Variants in AKAP11 observed in about 807,000 individuals in gnomAD.
The protein encoded by AKAP11 is A-kinase anchoring protein 11.
A neutral mutation model predicts 146.1 loss-of-function variants in AKAP11; 36 were observed. The ratio of observed to expected loss-of-function variants is 0.25; its 90% CI spans 0.19 to 0.33. AKAP11 has a LOEUF of 0.33. Among genes scored for constraint, AKAP11 ranks in the 10% least tolerant of loss-of-function variants. AKAP11 has a pLI of 1.00. For synonymous variants in AKAP11, 780 were observed against 786.5 expected, an observed-to-expected ratio of 0.99 and a Z score of 0.14; for missense variants, 2,201 against 2,197.0, an observed-to-expected ratio of 1.00 and a Z score of -0.04.
In AKAP11 at chr13:42,302,032, G is replaced by A. The variant is rs199642682; in HGVS notation, c.3286G>A (p.Val1096Ile). The change falls in exon 8 of 13, where the codon GTA becomes ATA. Residue 1096 changes from valine to isoleucine, a missense_variant. Val to Ile is a conservative substitution (Grantham distance 29). Around this residue, in one of 3 missense-constraint regions of AKAP11, gnomAD observed 1,867 missense variants for 1,833.5 expected, o/e 1.02. Coordinates refer to ENST00000025301, the MANE Select transcript of AKAP11 (RefSeq NM_016248.4). ...EDKQKVRDRN[V>I]IPDTPPSTPL... Reference sequence around the variant, plus strand: ...TAAACAGAAAGTCAGAGACAGAAATGTAATACCTGATACTCCTCCATCAAC... The same window carrying A: ...TAAACAGAAAGTCAGAGACAGAAATATAATACCTGATACTCCTCCATCAAC... 1.7e-5 allele frequency: 27 copies of A among 1,614,128 alleles called. No individual in the cohort carries two copies. The highest frequency in any genetic ancestry group is 2.3e-5 in the Non-Finnish European group (27 of 1,179,998).
intron 8 of AKAP11, among the ~76,000 whole-genome samples, chr13:42,304,107 A>G (rs367834184): frequency 5.9e-5 from 9 of 152,324 alleles, no homozygotes; most frequent in African/African-American, 1.4e-4. Flanking sequence ...GTTGGAGAAA[A>G]TAATCACCTT....
chr13:42,276,911 A>G (rs1958935299), intron 1 of AKAP11, among the ~76,000 whole-genome samples: 1 of 152,216 alleles, frequency 6.6e-6, no homozygotes, highest in Non-Finnish European at 1.5e-5. Flanking sequence ...GATAAAAAGA[A>G]ATGTGTTCCT....
chr13:42,303,851 A>C lies in AKAP11; in HGVS notation c.5105A>C (p.His1702Pro). Reference sequence around the variant, plus strand: ...ACAGCAGCTGTCACAAATGTTGGGCATGCTGTTAGCAGGTAAGTTTCACGT... The same window carrying C: ...ACAGCAGCTGTCACAAATGTTGGGCCTGCTGTTAGCAGGTAAGTTTCACGT... Reference protein sequence around the residue: ...TMTAAVTNVGHAVSSSKEIED... With the variant: ...TMTAAVTNVGPAVSSSKEIED... The change falls in exon 8 of 13, where the codon CAT (histidine) becomes CCT (proline). Residue 1702 changes from histidine (H) to proline (P), a missense_variant. Around this residue, in one of 3 missense-constraint regions of AKAP11, gnomAD observed 1,867 missense variants for 1,833.5 expected, o/e 1.02. Transcript: ENST00000025301. 1.3e-6 allele frequency: 2 copies of C among 1,579,874 alleles called. No individual in the cohort carries two copies.
rs779284258 is a variant in AKAP11 at position 42,302,052 on chromosome 13, A to G, written c.3306A>G (p.Pro1102=). The change falls in exon 8 of 13, where the codon CCA becomes CCG. Residue 1102 remains proline (P), a synonymous_variant. Coordinates refer to ENST00000025301, the MANE Select transcript of AKAP11 (RefSeq NM_016248.4). The part of the protein sequence containing the change: ...RDRNVIPDTP[P]STPLVPSRAS... ...GAAATGTAATACCTGATACTCCTCCATCAACTCCTCTAGTACCATCCCGGG... is the reference window on the plus strand; with the variant it reads ...GAAATGTAATACCTGATACTCCTCCGTCAACTCCTCTAGTACCATCCCGGG... The G allele has an allele frequency of 3.1e-6, 5 of 1,614,046 alleles. No individual in the cohort carries two copies. The highest frequency in any genetic ancestry group is 1.1e-5 in the South Asian group (1 of 91,090).
intron 9 of AKAP11, among the ~76,000 whole-genome samples, chr13:42,312,330 T>G (rs542756015): frequency 6.6e-6 from 1 of 152,342 alleles, no homozygotes; most frequent in East Asian, 1.9e-4. Flanking sequence ...TTCAGTTGAT[T>G]AGGTAGTGTA....
intron 6 of AKAP11, among the ~76,000 whole-genome samples, chr13:42,298,014 G>A (rs1228891741): frequency 6.6e-6 from 1 of 151,934 alleles, no homozygotes; most frequent in African/African-American, 2.4e-5. Flanking sequence ...CTGGTTACTT[G>A]TATTTTTAAA....
chr13:42,289,638 C>A (rs774749160), intron 3 of AKAP11, among the ~76,000 whole-genome samples: 12 of 152,052 alleles, frequency 7.9e-5, no homozygotes, highest in Non-Finnish European at 1.8e-4. Flanking sequence ...CTTTACCTTC[C>A]TCAGACCTGA....
chr13:42,322,159 A>C lies in AKAP11; in HGVS notation c.*2931A>C, dbSNP rs1961112976. The C allele has an allele frequency of 6.6e-6, 1 of 152,308 alleles. No homozygotes were observed. Among genetic ancestry groups the C allele is most frequent in the South Asian group, 2.1e-4 (1 of 4,836 alleles). 9.4% of individuals were successfully genotyped at this position (152,308 alleles called of 1,614,324 possible). ...AAACCTTTAAGAGGATTCATGGTGA[A>C]TATATGTGATAACATCTTTATACTT... On this transcript the variant is annotated 3_prime_UTR_variant, in exon 13 of 13. Coordinates refer to ENST00000025301, the MANE Select transcript of AKAP11 (RefSeq NM_016248.4).
intron 12 of AKAP11, among the ~76,000 whole-genome samples, chr13:42,318,518 G>A (rs1336775904): frequency 1.3e-5 from 2 of 152,148 alleles, no homozygotes; most frequent in African/African-American, 2.4e-5. Context: ...ATGAACAAAA[G>A]CATGTCGTGA....
At chr13:42,290,281 C>T (rs1189380250) in intron 3 of AKAP11, among the ~76,000 whole-genome samples, 1 of 152,118 alleles carries the variant, frequency 6.6e-6, no homozygotes, top group East Asian at 1.9e-4. Flanking sequence ...TAATTAGATT[C>T]AACACAACAC....
In AKAP11 at chr13:42,297,088, A is replaced by T; in HGVS notation, c.257A>T (p.Asn86Ile). Residue 86 changes from asparagine to isoleucine, a missense_variant, in exon 6 of 13, where the codon AAT becomes ATT. Physicochemically the swap from Asn to Ile is moderately radical, Grantham distance 149. This residue lies in a region of AKAP11 where 331 missense variants were observed against 347.4 expected (regional missense o/e 0.95). Transcript: ENST00000025301. ...TCTTTGGAACTTCCAGATATTCTGA[A>T]TTCACTCCACTTCTGCAGTCTAAAT... ...AVSLELPDILNSLHFCSLNEN... is the reference protein window; with the variant it reads ...AVSLELPDILISLHFCSLNEN... 6.3e-7 allele frequency: 1 copy of T among 1,590,854 alleles called. No homozygotes were observed. The highest frequency in any genetic ancestry group is 8.5e-7 in the Non-Finnish European group (1 of 1,170,740).
Position 42,292,405 on chromosome 13 carries a change from C to T in AKAP11, c.72C>T (p.Phe24=). The T allele has an allele frequency of 6.3e-7, 1 of 1,577,950 alleles. No homozygotes were observed. The highest frequency in any genetic ancestry group is 1.2e-5 in the South Asian group (1 of 85,152). ...SVRKSFSEDV[F]QSVKSLLQSQ... is the part of the protein sequence containing the mutation. ...TGCAGAGCTTCAGTGAAGATGTGTTCCAGTCTGTAAAGTCTTTATTGCAGA... is the reference window on the plus strand; with the variant it reads ...TGCAGAGCTTCAGTGAAGATGTGTTTCAGTCTGTAAAGTCTTTATTGCAGA... The change falls in exon 4 of 13, where the codon TTC becomes TTT. Residue 24 remains phenylalanine (F), a synonymous_variant. Coordinates refer to ENST00000025301, the MANE Select transcript of AKAP11 (RefSeq NM_016248.4).
At chr13:42,305,243 T>C (rs1594346490) in intron 8 of AKAP11, among the ~76,000 whole-genome samples, 1 of 152,210 alleles carries the variant, frequency 6.6e-6, no homozygotes, top group East Asian at 1.9e-4. Context: ...GATTTTTGAG[T>C]AGCTTCTGTT....
In AKAP11 at chr13:42,302,343, A is replaced by G. The variant is rs745572491; in HGVS notation, c.3597A>G (p.Ala1199=). The change falls in exon 8 of 13, where the codon GCA becomes GCG. Residue 1199 remains alanine, a synonymous_variant. Transcript: ENST00000025301. ...SEHSGKKVQF[A]EALATHILSL... is the part of the protein sequence containing the mutation. ...ACTCAGGGAAGAAGGTTCAGTTTGC[A>G]GAAGCATTAGCTACACACATCCTTT... 13 of 1,614,200 alleles carry G rather than the reference A, an allele frequency of 8.1e-6. No homozygotes were observed. In the South Asian group the frequency reaches 1.1e-4, roughly 14 times the overall value.
In AKAP11 at chr13:42,320,508, C is replaced by T. The variant is rs1289204974; in HGVS notation, c.*1280C>T. 1 of 149,076 alleles carries T rather than the reference C, an allele frequency of 6.7e-6. No individual in the cohort carries two copies. The highest frequency in any genetic ancestry group is 2.5e-5 in the African/African-American group (1 of 40,306). The allele number at this position is 149,076 out of a possible 1,614,324, so 9.2% of individuals were successfully genotyped here. On this transcript the variant is annotated 3_prime_UTR_variant, in exon 13 of 13. Transcript: ENST00000025301. ...ACTCTCTCTCCCCTCCTCCCACTCT[C>T]TTCCCCCTCCCCCCTCCTCCCACTG...
chr13:42,273,190 C>A (rs888020989), intron 1 of AKAP11, among the ~76,000 whole-genome samples: 7 of 152,136 alleles, frequency 4.6e-5, no homozygotes, highest in African/African-American at 1.7e-4. Flanking sequence ...TTAGAAATGT[C>A]ATGTCGATTG....
chr13:42,292,237 A>G (rs1594318187), intron 3 of AKAP11, 148 bp from the exon 4 acceptor site: 1 of 412,984 alleles, frequency 2.4e-6, no homozygotes, highest in East Asian at 3.4e-5. Context: ...TTTTCTTCTC[A>G]GTGGAATTGA....
rs1173973490 is a variant in AKAP11, at chr13:42,284,752, C to T, written c.-99-1234C>T. Among the ~76,000 whole-genome samples, 10 of 152,248 alleles carry T rather than the reference C, an allele frequency of 6.6e-5. No individual in the cohort carries two copies. The South Asian group carries it at 1.2e-3, about 19-fold the overall frequency. On this transcript the variant is annotated intron_variant, in intron 1 of 12. Transcript: ENST00000025301. The stretch of plus-strand genomic sequence containing the variant: ...AAAGTTCCAGAGACATTGCAGTTTA[C>T]CCAGAGGAAACAAAGCTAATAAGAG...
rs1426192726 is a variant in AKAP11 at position 42,323,213 on chromosome 13, G to A, written c.*3985G>A. The A allele has an allele frequency of 6.5e-6, 1 of 152,700 alleles. No individual in the cohort carries two copies. The highest frequency in any genetic ancestry group is 1.5e-5 in the Non-Finnish European group (1 of 68,012). 9.5% of individuals were successfully genotyped at this position (152,700 alleles called of 1,614,324 possible). On this transcript the variant is annotated 3_prime_UTR_variant, in exon 13 of 13. Coordinates refer to ENST00000025301, the MANE Select transcript of AKAP11 (RefSeq NM_016248.4). The stretch of plus-strand genomic sequence containing the variant: ...TTTTATCTTACAATTGTTTAAGCCT[G>A]TGATCTTTCTTCTCCCAGCTAAGAG...
Sources: allele counts gnomAD v4.1 joint callset (sites outside exome capture counted in the v4.1 genomes callset), GRCh38; gene constraint gnomAD v4.1.1; regional missense constraint gnomAD v4.1.1; transcripts MANE v1.5; gene names NCBI Gene and HGNC (gene_info 2026-07-23, HGNC 2026-07-21).